MAPK8: variants seen among roughly 807,000 people sequenced by gnomAD.
MAPK8 encodes the protein JUN N-terminal kinase.
Under a neutral mutation model 52.9 loss-of-function variants are expected in MAPK8, and 13 were observed. The ratio of observed to expected loss-of-function variants is 0.25; its 90% CI spans 0.16 to 0.39. MAPK8 has a LOEUF of 0.39. Among genes scored for constraint, MAPK8 ranks in the 10% least tolerant of loss-of-function variants. MAPK8 has a pLI of 1.00. For missense variants in MAPK8, 300 were observed against 519.2 expected (o/e 0.58, Z 4.10); for synonymous variants, 191 against 169.8 (o/e 1.12, Z -0.97).
chr10:48,416,544 G>A (rs2043073987), intron 5 of MAPK8, among the ~76,000 whole-genome samples: 1 of 152,106 alleles, frequency 6.6e-6, no homozygotes, highest in Non-Finnish European at 1.5e-5. Context: ...ATCAAATCCA[G>A]GCATTGTTCC....
At chr10:48,308,515 A>G (rs1473962057) in intron 1 of MAPK8, among the ~76,000 whole-genome samples, 2 of 152,260 alleles carry the variant, frequency 1.3e-5, no homozygotes, top group African/African-American at 4.8e-5. Context: ...AATCTTGTCT[A>G]AATATTTTTT....
At chr10:48,323,930 G>C (rs540217958) in intron 1 of MAPK8, among the ~76,000 whole-genome samples, 13 of 152,294 alleles carry the variant, frequency 8.5e-5, no homozygotes, top group African/African-American at 2.4e-4. Context: ...ACACCTGTCA[G>C]TAGAATCGGC....
At chr10:48,361,443 C>T (rs1458589737) in intron 1 of MAPK8, among the ~76,000 whole-genome samples, 1 of 152,136 alleles carries the variant, frequency 6.6e-6, no homozygotes, top group Non-Finnish European at 1.5e-5. Context: ...TCCACAGGAC[C>T]TCATGTCCTT....
intron 1 of MAPK8, among the ~76,000 whole-genome samples, chr10:48,358,752 A>G (rs1311011603): frequency 1.3e-5 from 2 of 152,164 alleles, no homozygotes; most frequent in African/African-American, 4.8e-5. Flanking sequence ...TTAGTTTTAT[A>G]TTAGGTCTTT....
chr10:48,413,289 T>C (rs2042861649), intron 5 of MAPK8, among the ~76,000 whole-genome samples: 1 of 152,216 alleles, frequency 6.6e-6, no homozygotes, highest in South Asian at 2.1e-4. Context: ...ACTTTTCAGT[T>C]CATTTGGGCT....
chr10:48,370,740 T>A (rs1284038221), intron 1 of MAPK8, among the ~76,000 whole-genome samples: 2 of 152,062 alleles, frequency 1.3e-5, no homozygotes, highest in Non-Finnish European at 1.5e-5. Flanking sequence ...AAGAGCAAGT[T>A]AGTTTTAGAG....
At chr10:48,363,523 C>A (rs1007780733) in intron 1 of MAPK8, among the ~76,000 whole-genome samples, 1 of 152,074 alleles carries the variant, frequency 6.6e-6, no homozygotes, top group Non-Finnish European at 1.5e-5. Context: ...TGAACTCTAC[C>A]CTGAAAAATT....
At chr10:48,417,193 A>C (rs1205948328) in intron 5 of MAPK8, among the ~76,000 whole-genome samples, 1 of 152,188 alleles carries the variant, frequency 6.6e-6, no homozygotes, top group Non-Finnish European at 1.5e-5. Flanking sequence ...AGGATCATAG[A>C]CCTTTGGCGT....
rs1024579069 is a variant in MAPK8 at position 48,375,490 on chromosome 10, C to A, written c.-49-26122C>A. Among the ~76,000 whole-genome samples the A allele has an allele frequency of 3.1e-4, 10 of 31,830 alleles. No individual in the cohort carries two copies. The South Asian group carries it at 0.011, about 36-fold the overall frequency. The allele number at this position is 31,830 out of a possible 152,430, so 20.9% of individuals were successfully genotyped here. On this transcript the variant is annotated intron_variant, in intron 1 of 11. Coordinates refer to ENST00000374189, the MANE Select transcript of MAPK8 (RefSeq NM_001323329.2). ...TGACATGATTGTATATTTAAAAAAA[C>A]CCCATTGTCTCAGCCCAAATCTTAA...
intron 1 of MAPK8, among the ~76,000 whole-genome samples, chr10:48,348,401 A>G (rs1845991651): frequency 6.6e-6 from 1 of 152,044 alleles, no homozygotes; most frequent in Admixed American, 6.5e-5. Context: ...ATTAGATCCC[A>G]TTTGTCAATT....
rs779204208 is a variant in MAPK8, at chr10:48,401,619, G to T, written c.-42G>T. 1.3e-6 allele frequency: 2 copies of T among 1,599,830 alleles called. No individual in the cohort carries two copies. Among genetic ancestry groups the T allele is most frequent in the Non-Finnish European group, 1.7e-6 (2 of 1,175,032 alleles). On this transcript the variant is annotated 5_prime_UTR_variant, in exon 2 of 12. Transcript: ENST00000374189. ...TTTTGTTGCATCTTGCAGCTTCTTGGTGAATTTTTGGATGAAGCCATTAAA... is the reference window on the plus strand; with the variant it reads ...TTTTGTTGCATCTTGCAGCTTCTTGTTGAATTTTTGGATGAAGCCATTAAA...
intron 1 of MAPK8, among the ~76,000 whole-genome samples, chr10:48,384,985 G>GA (rs111559239): frequency 0.11 from 16,578 of 151,172 alleles, 1,276 homozygotes; most frequent in Admixed American, 0.28. Context: ...TATTTTTAGA[G>GA]AAAAAAAGGA....
At chr10:48,315,132 C>T (rs1842369112) in intron 1 of MAPK8, among the ~76,000 whole-genome samples, 1 of 152,176 alleles carries the variant, frequency 6.6e-6, no homozygotes, top group South Asian at 2.1e-4. Flanking sequence ...TCTTCCTTTT[C>T]AGAAGTTTTT....
intron 1 of MAPK8, among the ~76,000 whole-genome samples, chr10:48,386,167 T>C (rs2041299355): frequency 6.6e-6 from 1 of 152,174 alleles, no homozygotes; most frequent in African/African-American, 2.4e-5. Context: ...GGGAGTCTTA[T>C]TAGTGAAAGA....
At chr10:48,357,715 C>A (rs1040995263) in intron 1 of MAPK8, among the ~76,000 whole-genome samples, 2 of 152,080 alleles carry the variant, frequency 1.3e-5, no homozygotes, top group East Asian at 1.9e-4. Flanking sequence ...TTTTTAAAAT[C>A]TTTTAATTAT....
chr10:48,425,649 A>G (rs2043635502), intron 7 of MAPK8: 1 of 371,466 alleles, frequency 2.7e-6, no homozygotes, highest in Non-Finnish European at 4.8e-6. Context: ...TTAAGCTTCC[A>G]TTTTAAGGTA....
At chr10:48,384,736 T>C (rs1056598201) in intron 1 of MAPK8, among the ~76,000 whole-genome samples, 10 of 152,186 alleles carry the variant, frequency 6.6e-5, no homozygotes, top group African/African-American at 1.9e-4. Flanking sequence ...TGTCCAATAA[T>C]TTATCTTGGA....
At chr10:48,336,114 A>C (rs2132292160) in intron 1 of MAPK8, among the ~76,000 whole-genome samples, 1 of 152,294 alleles carries the variant, frequency 6.6e-6, no homozygotes, top group South Asian at 2.1e-4. Context: ...TATGTAATTA[A>C]GAATTTTTGG....
chr10:48,364,515 A>C lies in MAPK8; in HGVS notation c.-49-37097A>C, dbSNP rs145751510. Among the ~76,000 whole-genome samples the C allele has an allele frequency of 8.2e-3, 1,248 of 152,248 alleles. 18 individuals are homozygous for C. The highest frequency in any genetic ancestry group is 0.028 in the African/African-American group (1,178 of 41,576). ...TTTGAGTTAAGTAAAAAGGAAAAGGAATTAAGATTTGTTGAATGCTTATCA... is the reference window on the plus strand; with the variant it reads ...TTTGAGTTAAGTAAAAAGGAAAAGGCATTAAGATTTGTTGAATGCTTATCA... On this transcript the variant is annotated intron_variant, in intron 1 of 11. Coordinates refer to ENST00000374189, the MANE Select transcript of MAPK8 (RefSeq NM_001323329.2).
Sources: allele counts gnomAD v4.1 joint callset (sites outside exome capture counted in the v4.1 genomes callset), GRCh38; gene constraint gnomAD v4.1.1; transcripts MANE v1.5; gene names NCBI Gene and HGNC (gene_info 2026-07-23, HGNC 2026-07-21).